The following QTMAN variants were observed in gnomAD, a reference collection of about 807,000 sequenced individuals.
The protein encoded by QTMAN is tRNA-queuosine alpha-mannosyltransferase.
At chr2:144,077,415 C>T in the QTMAN span, among the ~76,000 whole-genome samples, 364 of 152,344 alleles carry the variant, frequency 2.4e-3, no homozygotes, top group Non-Finnish European at 3.7e-3. Context: ...TACTCACCAT[C>T]CATCCTTTAT....
At chr2:144,115,380 T>C in the QTMAN span, among the ~76,000 whole-genome samples, 1 of 152,198 alleles carries the variant, frequency 6.6e-6, no homozygotes, top group South Asian at 2.1e-4. Context: ...TATATGAAAG[T>C]TGGCCAATCT....
At chr2:144,135,147 A>G in the QTMAN span, among the ~76,000 whole-genome samples, 2 of 152,192 alleles carry the variant, frequency 1.3e-5, no homozygotes, top group South Asian at 4.1e-4. Flanking sequence ...AATTTGCTGT[A>G]AGTCTATAAC....
the QTMAN span, among the ~76,000 whole-genome samples, chr2:144,050,930 C>T: frequency 2.0e-5 from 3 of 152,110 alleles, no homozygotes; most frequent in African/African-American, 7.2e-5. Context: ...TTGGTTGAAT[C>T]ATGAATGCAG....
the QTMAN span, among the ~76,000 whole-genome samples, chr2:143,978,261 G>A: frequency 6.6e-6 from 1 of 152,244 alleles, no homozygotes; most frequent in African/African-American, 2.4e-5. Context: ...TGTGATCCTT[G>A]CTTGGTTTCC....
chr2:143,976,855 C>T, the QTMAN span, among the ~76,000 whole-genome samples: 1 of 152,186 alleles, frequency 6.6e-6, no homozygotes, highest in Non-Finnish European at 1.5e-5. Context: ...AATGCTCACA[C>T]TGCATTCCAC....
the QTMAN span, among the ~76,000 whole-genome samples, chr2:144,324,421 T>TA: frequency 2.6e-5 from 4 of 151,922 alleles, no homozygotes; most frequent in South Asian, 6.2e-4. Context: ...ACTAAGTTAC[T>TA]AAAAAAAAGA....
chr2:144,044,783 T>C, the QTMAN span, among the ~76,000 whole-genome samples: 4 of 152,212 alleles, frequency 2.6e-5, no homozygotes, highest in Admixed American at 1.3e-4. Flanking sequence ...ATGATACAGA[T>C]GTACTGGTGT....
the QTMAN span, chr2:144,177,384 A>G: frequency 3.5e-6 from 2 of 571,044 alleles, no homozygotes. Context: ...TTGGAGATGA[A>G]GACCAACCCT....
the QTMAN span, among the ~76,000 whole-genome samples, chr2:144,254,339 T>C: frequency 6.6e-6 from 1 of 152,120 alleles, no homozygotes; most frequent in Non-Finnish European, 1.5e-5. Flanking sequence ...GGAGAATCGT[T>C]TGAATCCAGG....
chr2:144,231,370 AAATCCTAGTTAAAAT>A, the QTMAN span, among the ~76,000 whole-genome samples: 1 of 152,140 alleles, frequency 6.6e-6, no homozygotes, highest in Non-Finnish European at 1.5e-5. Context: ...TAATATAGTA[AAATCCTAGTTAAAAT>A]AATCAACAGT....
At chr2:144,016,959 G>A in the QTMAN span, among the ~76,000 whole-genome samples, 2 of 151,834 alleles carry the variant, frequency 1.3e-5, no homozygotes, top group African/African-American at 4.8e-5. Context: ...AGAAAATTTG[G>A]GGAATAAAAA....
chr2:144,236,315 T>C, the QTMAN span, among the ~76,000 whole-genome samples: 1 of 152,092 alleles, frequency 6.6e-6, no homozygotes, highest in Admixed American at 6.6e-5. Context: ...GGGAGAGCAA[T>C]ACATCAGGTT....
chr2:143,981,600 G>GA, the QTMAN span, among the ~76,000 whole-genome samples: 57 of 152,268 alleles, frequency 3.7e-4, no homozygotes, highest in African/African-American at 1.3e-3. Context: ...CCAACGTAAA[G>GA]AAAAATGCTG....
At chr2:144,047,359 C>T in the QTMAN span, among the ~76,000 whole-genome samples, 15 of 152,082 alleles carry the variant, frequency 9.9e-5, no homozygotes, top group East Asian at 9.6e-4. Context: ...GGTAGAGACA[C>T]GGTAAGGCAT....
At chr2:144,325,708 T>C in the QTMAN span, among the ~76,000 whole-genome samples, 3 of 146,608 alleles carry the variant, frequency 2.0e-5, no homozygotes, top group Admixed American at 2.0e-4. Flanking sequence ...ACTGCAAAAA[T>C]TACCACCCCC....
the QTMAN span, among the ~76,000 whole-genome samples, chr2:144,219,969 A>G: frequency 6.6e-6 from 1 of 152,178 alleles, no homozygotes; most frequent in Non-Finnish European, 1.5e-5. Flanking sequence ...TTTTTGAAGG[A>G]GTTCTTTTTC....
At chr2:143,973,409 T>C in the QTMAN span, among the ~76,000 whole-genome samples, 1 of 152,216 alleles carries the variant, frequency 6.6e-6, no homozygotes, top group Non-Finnish European at 1.5e-5. Flanking sequence ...AATTACATAT[T>C]ATAAATATAC....
the QTMAN span, chr2:143,947,122 G>A: frequency 7.0e-4 from 1,131 of 1,613,222 alleles, 8 homozygotes; most frequent in Middle Eastern, 5.6e-3. Context: ...CCAAGAAAAC[G>A]GAGCGATTTC....
the QTMAN span, among the ~76,000 whole-genome samples, chr2:144,159,944 T>C: frequency 1.7e-3 from 259 of 152,022 alleles, 7 homozygotes; most frequent in East Asian, 0.048. Context: ...TATATTTTTT[T>C]AGGAGTAGAG....
Sources: allele counts gnomAD v4.1 joint callset (sites outside exome capture counted in the v4.1 genomes callset), GRCh38; gene constraint gnomAD v4.1.1; transcripts MANE v1.5; gene names NCBI Gene and HGNC (gene_info 2026-07-23, HGNC 2026-07-21).